PDE10A: variants seen among roughly 807,000 people sequenced by gnomAD.
The protein encoded by PDE10A is cAMP and cAMP-inhibited cGMP 3',5'-cyclic phosphodiesterase 10A.
A neutral mutation model predicts 97.7 loss-of-function variants in PDE10A; 39 were observed. The ratio of observed to expected loss-of-function variants is 0.40; its 90% CI spans 0.31 to 0.52. PDE10A has a LOEUF of 0.52. Ranked by LOEUF, PDE10A falls within the 20% of genes least tolerant of loss-of-function variation. The probability of loss-of-function intolerance (pLI) is 0.56; values close to 1 mark genes in which losing one functional copy is unlikely to be tolerated. For missense variants in PDE10A, 731 were observed against 1,047.8 expected (o/e 0.70, Z 4.17); for synonymous variants, 371 against 376.8 (o/e 0.98, Z 0.18).
At chr6:165,373,462 CAA>C (rs1233291400) in intron 18 of PDE10A, among the ~76,000 whole-genome samples, 6 of 152,198 alleles carry the variant, frequency 3.9e-5, no homozygotes, top group Middle Eastern at 3.4e-3. Context: ...TTTATGCAGC[CAA>C]AAGACACATG....
chr6:165,343,558 G>C, intron 18 of PDE10A, 56 bp from the exon 19 acceptor site: 1 of 1,167,436 alleles, frequency 8.6e-7, no homozygotes, highest in Non-Finnish European at 1.3e-6. Context: ...TTATAGTAAG[G>C]ACTAGAAAGA....
intron 1 of PDE10A, among the ~76,000 whole-genome samples, chr6:165,732,556 C>G (rs1468805592): frequency 2.0e-5 from 3 of 152,238 alleles, no homozygotes; most frequent in Non-Finnish European, 4.4e-5. Context: ...CAAAATCCAG[C>G]TCATCACATC....
rs12204249 is a variant in PDE10A at position 165,447,020 on chromosome 6, T to C, written c.1194+1908A>G. Among the ~76,000 whole-genome samples, 682 of 151,992 alleles carry C rather than the reference T, an allele frequency of 4.5e-3. 3 individuals carry two copies. The highest frequency in any genetic ancestry group is 7.5e-3 in the Non-Finnish European group (507 of 68,002). On this transcript the variant is annotated intron_variant, in intron 5 of 21. Transcript: ENST00000539869. ...AAAATTACAATTTAGATATTGTAGA[T>C]AGAAAAGCGTTTTGCTGAATCCTAA... is the stretch of plus-strand genomic sequence containing the variant.
At chr6:165,756,286 A>T (rs1793115947) in intron 1 of PDE10A, among the ~76,000 whole-genome samples, 1 of 152,246 alleles carries the variant, frequency 6.6e-6, no homozygotes, top group African/African-American at 2.4e-5. Flanking sequence ...CTATTTTAAA[A>T]AATACTTAGT....
At chr6:165,971,866 A>C (rs1169669336) in intron 1 of PDE10A, among the ~76,000 whole-genome samples, 1 of 152,112 alleles carries the variant, frequency 6.6e-6, no homozygotes, top group Non-Finnish European at 1.5e-5. Flanking sequence ...TGTACCTATC[A>C]AATCTAGACT....
chr6:165,859,658 G>C lies in PDE10A; in HGVS notation c.-615+127871C>G, dbSNP rs572531123. Among the ~76,000 whole-genome samples, 221 of 152,160 alleles carry C rather than the reference G, an allele frequency of 1.5e-3. 1 individual carries two copies. The highest frequency in any genetic ancestry group is 5.1e-3 in the African/African-American group (211 of 41,498). On this transcript the variant is annotated intron_variant, in intron 1 of 19. Transcript: ENST00000366882. Reference sequence around the variant, plus strand: ...AAATCCAATCCTTTTGGATTTGTAGGGAAGCTTTTTAAAAATGTTTTTTCT... The same window carrying C: ...AAATCCAATCCTTTTGGATTTGTAGCGAAGCTTTTTAAAAATGTTTTTTCT...
intron 1 of PDE10A, among the ~76,000 whole-genome samples, chr6:165,855,535 T>C (rs374189288): frequency 6.6e-6 from 1 of 151,488 alleles, no homozygotes; most frequent in South Asian, 2.1e-4. Context: ...CGGGTTCATG[T>C]GGGGAGCATT....
chr6:165,823,477 T>A (rs1212241615), intron 1 of PDE10A, among the ~76,000 whole-genome samples: 3 of 82,028 alleles, frequency 3.7e-5, no homozygotes, highest in Non-Finnish European at 7.8e-5. Context: ...GCTTTATAGT[T>A]AACTTTATAT....
intron 1 of PDE10A, chr6:165,894,768 A>T (rs1269336091): frequency 3.5e-6 from 1 of 287,840 alleles, no homozygotes; most frequent in Non-Finnish European, 7.0e-6. Flanking sequence ...ATATTATGTG[A>T]TAATATTATT....
chr6:165,840,753 AAAAGAT>A (rs1780237843), intron 1 of PDE10A, among the ~76,000 whole-genome samples: 1 of 152,242 alleles, frequency 6.6e-6, no homozygotes, highest in Non-Finnish European at 1.5e-5. Context: ...ACTTTTTAGT[AAAAGAT>A]AAAGTAAAGG....
intron 1 of PDE10A, among the ~76,000 whole-genome samples, chr6:165,829,469 A>T (rs1257020924): frequency 1.3e-5 from 2 of 152,166 alleles, no homozygotes; most frequent in Non-Finnish European, 2.9e-5. Context: ...CAGCCTTGAG[A>T]AGCTTTCAGA....
intron 1 of PDE10A, among the ~76,000 whole-genome samples, chr6:165,581,901 G>A (rs920670680): frequency 2.6e-5 from 4 of 152,166 alleles, no homozygotes; most frequent in Non-Finnish European, 4.4e-5. Context: ...GGGGTTTCTA[G>A]TTTTGATTAT....
At chr6:165,951,554 A>G (rs1253729526) in intron 1 of PDE10A, among the ~76,000 whole-genome samples, 1 of 151,794 alleles carries the variant, frequency 6.6e-6, no homozygotes, top group Non-Finnish European at 1.5e-5. Flanking sequence ...CTTCTGCACC[A>G]CTCACGACGT....
chr6:165,382,737 TTGA>T (rs35602278), intron 17 of PDE10A, among the ~76,000 whole-genome samples: 1,514 of 151,232 alleles, frequency 0.01, 21 homozygotes, highest in African/African-American at 0.029. Flanking sequence ...ATAGTGATGA[TTGA>T]TGATGATGAT....
Position 165,448,967 on chromosome 6 carries a change from G to T in PDE10A, c.1155C>A (p.Ala385=). Residue 385 remains alanine (A), a synonymous_variant, in exon 5 of 22, where the codon GCC becomes GCA. Coordinates refer to ENST00000539869, the MANE Select transcript of PDE10A (RefSeq NM_001385079.1). ...CAAGGAAATACAGTGCAAATCCATCGGCTTTTGTGGCTGCCAAAGTAATAA... is the reference window on the plus strand; with the variant it reads ...CAAGGAAATACAGTGCAAATCCATCTGCTTTTGTGGCTGCCAAAGTAATAA... The part of the protein sequence containing the change: ...LSSIIKIATK[A]DGFALYFLGE... The T allele has an allele frequency of 6.2e-7, 1 of 1,612,102 alleles. No homozygotes were observed.
chr6:165,332,456 G>A lies in PDE10A; in HGVS notation c.*569C>T, dbSNP rs911967362. 2.0e-5 allele frequency: 3 copies of A among 152,166 alleles called. No homozygotes were observed. The highest frequency in any genetic ancestry group is 6.5e-5 in the Admixed American group (1 of 15,282). The allele number at this position is 152,166 out of a possible 1,614,324, so 9.4% of individuals were successfully genotyped here. ...TGAAGCTCTGAAATAAGAGTTTGAC[G>A]TTTTGCCATCATTTCTTACTCTGTA... On this transcript the variant is annotated 3_prime_UTR_variant, in exon 22 of 22. Transcript: ENST00000539869.
chr6:165,544,351 A>T (rs1783626074), intron 1 of PDE10A, among the ~76,000 whole-genome samples: 1 of 152,210 alleles, frequency 6.6e-6, no homozygotes, highest in South Asian at 2.1e-4. Context: ...AGTACTGAAT[A>T]TACATAAGAT....
chr6:165,806,517 C>T (rs1437496534), intron 1 of PDE10A, among the ~76,000 whole-genome samples: 1 of 152,336 alleles, frequency 6.6e-6, no homozygotes, highest in East Asian at 1.9e-4. Context: ...GTTTCTGAGC[C>T]TCTGGCTCCT....
intron 21 of PDE10A, among the ~76,000 whole-genome samples, chr6:165,333,900 C>G (rs1209186055): frequency 1.3e-5 from 2 of 152,196 alleles, no homozygotes; most frequent in Admixed American, 1.3e-4. Flanking sequence ...TTGGGAAATA[C>G]AAAACTCCTA....
Sources: gnomAD v4.1 joint callset for allele counts (sites outside exome capture counted in the v4.1 genomes callset) on GRCh38, gnomAD v4.1.1 for gene constraint, MANE v1.5 for transcripts, NCBI Gene and HGNC (gene_info 2026-07-23, HGNC 2026-07-21) for gene names.